Variants in DNAJC8 observed in about 807,000 individuals in gnomAD.
DNAJC8 encodes DnaJ heat shock protein family (Hsp40) member C8.
In DNAJC8, 24 loss-of-function variants were observed where a neutral mutation model predicts 43.2. The observed-to-expected ratio is 0.56, with a 90% CI of 0.40 to 0.78. The LOEUF is 0.78. Among genes scored for constraint, DNAJC8 ranks in the 30% least tolerant of loss-of-function variants. The pLI is 0.00. For missense variants in DNAJC8, 207 were observed against 299.4 expected (o/e 0.69, Z 2.28); for synonymous variants, 83 against 98.0 (o/e 0.85, Z 0.90).
chr1:28,202,883 G>A (rs1160235995), intron 8 of DNAJC8, among the ~76,000 whole-genome samples: 2 of 152,150 alleles, frequency 1.3e-5, no homozygotes, highest in Non-Finnish European at 2.9e-5. Context: ...CGCCCGGCCA[G>A]CATATGGTAT....
chr1:28,212,210 T>TATATA (rs1553167924), intron 3 of DNAJC8, among the ~76,000 whole-genome samples: 14 of 109,484 alleles, frequency 1.3e-4, no homozygotes, highest in Non-Finnish European at 1.9e-4. Context: ...TATATATATA[T>TATATA]ATATAAATGA....
At chr1:28,219,388 G>A (rs1193300338) in intron 2 of DNAJC8, among the ~76,000 whole-genome samples, 7 of 152,078 alleles carry the variant, frequency 4.6e-5, no homozygotes, top group Admixed American at 1.3e-4. Flanking sequence ...GGGCGCCTGT[G>A]GTCCCAGCTA....
At chr1:28,232,766 G>T (rs950163652) in intron 1 of DNAJC8, among the ~76,000 whole-genome samples, 155 bp downstream of exon 1, 7 of 152,098 alleles carry the variant, frequency 4.6e-5, no homozygotes, top group Non-Finnish European at 1.0e-4. Flanking sequence ...CTATCAGTGG[G>T]AGACGCTCAC....
intron 5 of DNAJC8, among the ~76,000 whole-genome samples, chr1:28,209,572 T>C (rs186165534): frequency 6.6e-6 from 1 of 152,316 alleles, no homozygotes; most frequent in East Asian, 1.9e-4. Context: ...GCCTATCCTC[T>C]TGCTAGCCTT....
Position 28,232,969 on chromosome 1 carries a change from T to A in DNAJC8, c.30A>T (p.Ser10=). The change falls in exon 1 of 9, where the codon TCA becomes TCT. Residue 10 remains serine, a synonymous_variant. Transcript: ENST00000263697. ...CTTCCTCGGTGCTGCCTCCGCCGCC[T>A]GAAGTCCCGCTCTCTCCTGAAGCCG... The part of the protein sequence containing the change: MAASGESGT[S]GGGGSTEEAF... 2.5e-6 allele frequency: 4 copies of A among 1,613,080 alleles called. No individual in the cohort carries two copies. The highest frequency in any genetic ancestry group is 3.4e-6 in the Non-Finnish European group (4 of 1,180,004).
At chr1:28,221,970 T>A (rs1278914218) in intron 2 of DNAJC8, among the ~76,000 whole-genome samples, 1 of 152,014 alleles carries the variant, frequency 6.6e-6, no homozygotes, top group Non-Finnish European at 1.5e-5. Flanking sequence ...TTGTACTAGA[T>A]GAAATAAGCC....
At chr1:28,231,877 C>T (rs1323057319) in intron 1 of DNAJC8, among the ~76,000 whole-genome samples, 1 of 151,742 alleles carries the variant, frequency 6.6e-6, no homozygotes, top group African/African-American at 2.4e-5. Flanking sequence ...ACGCCATTCT[C>T]CTGCCTCAGC....
chr1:28,220,782 A>C (rs940921831), intron 2 of DNAJC8, among the ~76,000 whole-genome samples: 4 of 152,200 alleles, frequency 2.6e-5, no homozygotes, highest in Non-Finnish European at 5.9e-5. Context: ...GGGAGAGACA[A>C]GTAACAAGTA....
intron 2 of DNAJC8, among the ~76,000 whole-genome samples, chr1:28,223,004 CGGAGG>C (rs1646909401): frequency 6.6e-6 from 1 of 151,998 alleles, no homozygotes; most frequent in Admixed American, 6.6e-5. Flanking sequence ...AAGCAAGGTA[CGGAGG>C]GTGTCCACAG....
chr1:28,229,142 G>T, intron 1 of DNAJC8, 119 bp from the exon 2 acceptor site: 1 of 814,818 alleles, frequency 1.2e-6, no homozygotes, highest in Non-Finnish European at 1.9e-6. Context: ...CCATGTGCAA[G>T]ACATTTTGCT....
chr1:28,205,239 T>C lies in DNAJC8; in HGVS notation c.563+19A>G. ...TCTAGGTATTTAAATATGGTTTAAATGAATATACTGATATGTACCTTTCAT... is the reference window on the plus strand; with the variant it reads ...TCTAGGTATTTAAATATGGTTTAAACGAATATACTGATATGTACCTTTCAT... On this transcript the variant is annotated intron_variant, in intron 7 of 8. Transcript: ENST00000263697. The C allele has an allele frequency of 1.3e-6, 2 of 1,571,248 alleles. No individual in the cohort carries two copies. Among genetic ancestry groups the C allele is most frequent in the African/African-American group, 1.4e-5 (1 of 73,636 alleles).
chr1:28,207,854 A>G (rs1646780652), intron 6 of DNAJC8, among the ~76,000 whole-genome samples: 1 of 151,792 alleles, frequency 6.6e-6, no homozygotes, highest in African/African-American at 2.4e-5. Context: ...TCAGAAGTTC[A>G]AGACCAGCCT....
intron 2 of DNAJC8, among the ~76,000 whole-genome samples, chr1:28,226,647 T>C (rs2149024163): frequency 6.6e-6 from 1 of 151,454 alleles, no homozygotes; most frequent in South Asian, 2.1e-4. Context: ...GACATATTAC[T>C]TACACATCTA....
chr1:28,228,242 G>A (rs548694149), intron 2 of DNAJC8, among the ~76,000 whole-genome samples: 3 of 151,708 alleles, frequency 2.0e-5, no homozygotes, highest in Non-Finnish European at 2.9e-5. Flanking sequence ...CCACCTACTC[G>A]GGAGGCTGAG....
chr1:28,215,050 AT>A, intron 2 of DNAJC8, 54 bp from the exon 3 acceptor site: 1 of 1,445,056 alleles, frequency 6.9e-7, no homozygotes, highest in South Asian at 1.2e-5. Context: ...TTACATGTAT[AT>A]TTAAGAGTTG....
At chr1:28,203,658 T>C in intron 8 of DNAJC8, 89 bp downstream of exon 8, 1 of 1,317,688 alleles carries the variant, frequency 7.6e-7, no homozygotes, top group Non-Finnish European at 1.1e-6. Flanking sequence ...CCCACTCCCC[T>C]CTGACTGCCC....
At chr1:28,203,685 C>T (rs529597332) in intron 8 of DNAJC8, 62 bp downstream of exon 8, 116 of 1,512,718 alleles carry the variant, frequency 7.7e-5, no homozygotes, top group African/African-American at 4.5e-4. Context: ...GTCCTGGGAG[C>T]GCCACAGGAA....
At chr1:28,204,779 C>T (rs776793605) in intron 7 of DNAJC8, among the ~76,000 whole-genome samples, 5 of 152,122 alleles carry the variant, frequency 3.3e-5, no homozygotes, top group Admixed American at 6.6e-5. Flanking sequence ...AATCCTAACA[C>T]TTTGGGAGGG....
chr1:28,209,969 T>C lies in DNAJC8; in HGVS notation c.399+3A>G, dbSNP rs1646799513. On this transcript the variant is annotated splice_donor_region_variant and intron_variant, in intron 5 of 8. Coordinates refer to ENST00000263697, the MANE Select transcript of DNAJC8 (RefSeq NM_014280.3). Reference sequence around the variant, plus strand: ...TAAACACAGCAGCACTATAAATACTTACAGTGTGTTCCACGTATTCTTTTC... The same window carrying C: ...TAAACACAGCAGCACTATAAATACTCACAGTGTGTTCCACGTATTCTTTTC... The C allele has an allele frequency of 6.2e-7, 1 of 1,613,436 alleles. No individual in the cohort carries two copies. The highest frequency in any genetic ancestry group is 8.5e-7 in the Non-Finnish European group (1 of 1,179,548).
Sources: gnomAD v4.1 joint callset for allele counts (sites outside exome capture counted in the v4.1 genomes callset) on GRCh38, gnomAD v4.1.1 for gene constraint, MANE v1.5 for transcripts, NCBI Gene and HGNC (gene_info 2026-07-23, HGNC 2026-07-21) for gene names.